TRIOBP: variants seen among roughly 807,000 people sequenced by gnomAD.
The protein encoded by TRIOBP is TRIO and F-actin-binding protein.
Under a neutral mutation model 238.8 loss-of-function variants are expected in TRIOBP, and 169 were observed. The ratio of observed to expected loss-of-function variants is 0.71; its 90% CI spans 0.62 to 0.80. The LOEUF (loss-of-function observed/expected upper bound fraction) is 0.80, where lower values mean the gene tolerates loss of function less well. Ranked by LOEUF, TRIOBP falls within the 30% of genes least tolerant of loss-of-function variation. The probability of loss-of-function intolerance (pLI) is 0.00; values close to 1 mark genes in which losing one functional copy is unlikely to be tolerated. For synonymous variants in TRIOBP, 1,150 were observed against 1,274.4 expected, an observed-to-expected ratio of 0.90 and a Z score of 2.08; for missense variants, 2,838 against 3,122.6, an observed-to-expected ratio of 0.91 and a Z score of 2.17.
intron 5 of TRIOBP, among the ~76,000 whole-genome samples, chr22:37,713,676 C>A (rs1351597959): frequency 2.0e-5 from 3 of 152,216 alleles, no homozygotes; most frequent in African/African-American, 7.2e-5. Flanking sequence ...CTGGGTGAAT[C>A]ACCAGCAGGC....
chr22:37,765,865 G>A (rs756618851), intron 18 of TRIOBP, 48 bp downstream of exon 18: 3 of 1,553,676 alleles, frequency 1.9e-6, no homozygotes, highest in Middle Eastern at 2.0e-4. Context: ...GAGCCTCTGT[G>A]CTGAGGTTCC....
intron 9 of TRIOBP, among the ~76,000 whole-genome samples, chr22:37,736,091 G>A (rs760465109): frequency 2.0e-5 from 3 of 152,250 alleles, no homozygotes; most frequent in East Asian, 1.9e-4. Flanking sequence ...AATGAGGGTC[G>A]TGTGCAAAGT....
At chr22:37,733,495 G>C (rs1924522843) in intron 8 of TRIOBP, 83 bp downstream of exon 8, 1 of 1,089,320 alleles carries the variant, frequency 9.2e-7, no homozygotes, top group Non-Finnish European at 1.4e-6. Flanking sequence ...CAGGCAGGGG[G>C]CTTGGACAGG....
In TRIOBP at chr22:37,725,834, A is replaced by G; in HGVS notation, c.3278A>G (p.Asp1093Gly). The change falls in exon 7 of 24, where the codon GAT (aspartate) becomes GGT (glycine). Residue 1093 changes from aspartate to glycine, a missense_variant. Coordinates refer to ENST00000644935, the MANE Select transcript of TRIOBP (RefSeq NM_001039141.3). Reference protein sequence around the residue: ...DPFPFLPDTSDAEHQCQSPQH... With the variant: ...DPFPFLPDTSGAEHQCQSPQH... ...TTCCCCTTCCTCCCAGACACATCAGATGCCGAGCATCAGTGTCAGTCCCCC... is the reference window on the plus strand; with the variant it reads ...TTCCCCTTCCTCCCAGACACATCAGGTGCCGAGCATCAGTGTCAGTCCCCC... The G allele has an allele frequency of 1.3e-6, 2 of 1,596,166 alleles. No homozygotes were observed. Among genetic ancestry groups the G allele is most frequent in the Non-Finnish European group, 1.7e-6 (2 of 1,174,774 alleles).
chr22:37,751,816 C>T lies in TRIOBP; in HGVS notation c.5367C>T (p.Asp1789=), dbSNP rs778567541. The T allele has an allele frequency of 1.4e-5, 22 of 1,613,794 alleles. No homozygotes were observed. Among genetic ancestry groups the T allele is most frequent in the Non-Finnish European group, 1.9e-5 (22 of 1,179,974 alleles). Residue 1789 remains aspartate, a synonymous_variant, in exon 12 of 24, where the codon GAC becomes GAT. Coordinates refer to ENST00000644935, the MANE Select transcript of TRIOBP (RefSeq NM_001039141.3). ...NFKKGWMSIL[D]EPGEPPSPSL... ...AGAAGGGATGGATGTCGATCTTGGACGAGCCTGGAGAGGTAAGAGGACTGA... is the reference window on the plus strand; with the variant it reads ...AGAAGGGATGGATGTCGATCTTGGATGAGCCTGGAGAGGTAAGAGGACTGA...
chr22:37,709,029 C>A (rs1472065180), intron 3 of TRIOBP, among the ~76,000 whole-genome samples: 1 of 152,194 alleles, frequency 6.6e-6, no homozygotes, highest in East Asian at 1.9e-4. Flanking sequence ...CCTGGGTGGC[C>A]AAGGCGCCAG....
intron 9 of TRIOBP, among the ~76,000 whole-genome samples, chr22:37,737,077 CT>C (rs1240241799): frequency 6.6e-6 from 1 of 152,220 alleles, no homozygotes; most frequent in Non-Finnish European, 1.5e-5. Flanking sequence ...GATAAGTCAG[CT>C]CGTCCTGCCC....
At position 37,755,626 on chromosome 22, in the gene TRIOBP, C is replaced by A. The variant is rs1393446736; in HGVS notation, c.5654C>A (p.Thr1885Asn). 1.2e-6 allele frequency: 2 copies of A among 1,613,986 alleles called. No individual in the cohort carries two copies. The highest frequency in any genetic ancestry group is 2.7e-5 in the African/African-American group (2 of 74,936). Residue 1885 changes from threonine to asparagine, a missense_variant, in exon 15 of 24, where the codon ACC (threonine) becomes AAC (asparagine). Thr to Asn is a moderately conservative substitution (Grantham distance 65, BLOSUM62 0). Transcript: ENST00000644935. Reference protein sequence around the residue: ...RRNWIEALRKTVRPTSAPDVT... With the variant: ...RRNWIEALRKNVRPTSAPDVT... Reference sequence around the variant, plus strand: ...AACTGGATCGAGGCTCTGAGAAAGACCGTACGTCCAACTTCAGCCCCAGAT... The same window carrying A: ...AACTGGATCGAGGCTCTGAGAAAGAACGTACGTCCAACTTCAGCCCCAGAT...
Position 37,735,043 on chromosome 22 carries a change from AG to A in TRIOBP, c.4709del (p.Gly1570GlufsTer40). On this transcript the variant is annotated frameshift_variant, in exon 9 of 24. Coordinates refer to ENST00000644935, the MANE Select transcript of TRIOBP (RefSeq NM_001039141.3). LOFTEE classifies it high-confidence loss of function. ...RDLLGLLRAP[G>X]EGVWARVPSL... ...ATCTGCTTGGCCTTCTCCGGGCACC[AG>A]GAGAGGGGGTCTGGGCCCGTGTCCC... The A allele has an allele frequency of 6.2e-7, 1 of 1,608,342 alleles. No individual in the cohort carries two copies. Among genetic ancestry groups the A allele is most frequent in the East Asian group, 2.2e-5 (1 of 44,748 alleles).
chr22:37,727,016 C>T (rs1233651740), intron 7 of TRIOBP, among the ~76,000 whole-genome samples: 1 of 151,770 alleles, frequency 6.6e-6, no homozygotes, highest in Non-Finnish European at 1.5e-5. Context: ...AAGCGATTCT[C>T]CTGCCTCAGC....
chr22:37,743,709 G>A (rs1473771545), intron 11 of TRIOBP, among the ~76,000 whole-genome samples: 2 of 152,104 alleles, frequency 1.3e-5, no homozygotes, highest in African/African-American at 2.4e-5. Flanking sequence ...GTCTGCTGGG[G>A]ACACTTTGGC....
At chr22:37,772,962 G>C (rs1173581352) in intron 23 of TRIOBP, among the ~76,000 whole-genome samples, 198 bp downstream of exon 23, 1 of 152,194 alleles carries the variant, frequency 6.6e-6, no homozygotes, top group African/African-American at 2.4e-5. Context: ...TGCTTCATCA[G>C]CTTAAGCCTG....
intron 15 of TRIOBP, 92 bp from the exon 16 acceptor site, chr22:37,757,521 C>T: frequency 6.6e-7 from 1 of 1,513,158 alleles, no homozygotes; most frequent in Non-Finnish European, 8.9e-7. Context: ...GCCCCTGGCA[C>T]AGGGCCTGGC....
intron 6 of TRIOBP, among the ~76,000 whole-genome samples, chr22:37,719,144 C>T (rs9610839): frequency 1.3e-5 from 2 of 148,706 alleles, no homozygotes; most frequent in African/African-American, 4.9e-5. Flanking sequence ...TGGAGGTTGC[C>T]GTGAGCTGAG....
chr22:37,723,620 G>C lies in TRIOBP; in HGVS notation c.1064G>C (p.Arg355Thr), dbSNP rs748576446. The change falls in exon 7 of 24, where the codon AGA becomes ACA. Residue 355 changes from arginine to threonine, a missense_variant. Coordinates refer to ENST00000644935, the MANE Select transcript of TRIOBP (RefSeq NM_001039141.3). ...CGAAGCACCCAACTGGATAACCCCA[G>C]AACCTCTTCTACCCAGCAGGACAAC... ...PSRSTQLDNPRTSSTQQDNPQ... is the reference protein window; with the variant it reads ...PSRSTQLDNPTTSSTQQDNPQ... 17 of 1,613,840 alleles carry C rather than the reference G, an allele frequency of 1.1e-5. No individual in the cohort carries two copies. The highest frequency in any genetic ancestry group is 1.7e-5 in the Admixed American group (1 of 59,992).
Position 37,774,655 on chromosome 22 carries a change from C to T in TRIOBP, c.*875C>T, listed in dbSNP as rs1926951913. 6.6e-6 allele frequency: 1 copy of T among 152,296 alleles called. No individual in the cohort carries two copies. Among genetic ancestry groups the T allele is most frequent in the East Asian group, 1.9e-4 (1 of 5,200 alleles). The allele number at this position is 152,296 out of a possible 1,614,324, so 9.4% of individuals were successfully genotyped here. Reference sequence around the variant, plus strand: ...GGGTGGGGCTGAAAATCCAAGGTCTCCCTTAGTACAGACTGTGACGCCCCC... The same window carrying T: ...GGGTGGGGCTGAAAATCCAAGGTCTTCCTTAGTACAGACTGTGACGCCCCC... On this transcript the variant is annotated 3_prime_UTR_variant, in exon 24 of 24. Coordinates refer to ENST00000644935, the MANE Select transcript of TRIOBP (RefSeq NM_001039141.3).
intron 3 of TRIOBP, among the ~76,000 whole-genome samples, chr22:37,707,351 C>T (rs1017139316): frequency 1.3e-5 from 2 of 152,192 alleles, no homozygotes; most frequent in African/African-American, 4.8e-5. Context: ...ACCTGCCTGC[C>T]TGTGCACTCC....
chr22:37,742,538 C>T (rs1475198498), intron 11 of TRIOBP, among the ~76,000 whole-genome samples: 1 of 152,200 alleles, frequency 6.6e-6, no homozygotes, highest in East Asian at 1.9e-4. Context: ...GCTGGGATTA[C>T]AGGCGTGAGT....
At chr22:37,735,927 G>C (rs915567198) in intron 9 of TRIOBP, among the ~76,000 whole-genome samples, 5 of 152,252 alleles carry the variant, frequency 3.3e-5, no homozygotes, top group African/African-American at 1.2e-4. Context: ...ACTGTAGCCA[G>C]TGTGGGCATG....
Sources: gnomAD v4.1 joint callset for allele counts (sites outside exome capture counted in the v4.1 genomes callset) on GRCh38, gnomAD v4.1.1 for gene constraint, MANE v1.5 for transcripts, NCBI Gene and HGNC (gene_info 2026-07-23, HGNC 2026-07-21) for gene names.